The following GATAD2B variants were observed in gnomAD, a reference collection of about 807,000 sequenced individuals.
The protein encoded by GATAD2B is GATA zinc finger domain containing 2B.
A neutral mutation model predicts 64.3 loss-of-function variants in GATAD2B; 8 were observed. The observed-to-expected ratio is 0.12, with a 90% confidence interval of 0.07 to 0.22. The LOEUF (loss-of-function observed/expected upper bound fraction) is 0.22, where lower values mean the gene tolerates loss of function less well. GATAD2B is among the 10% of genes least tolerant of loss of function. The probability of loss-of-function intolerance (pLI) is 1.00; values close to 1 mark genes in which losing one functional copy is unlikely to be tolerated. For missense variants in GATAD2B, 453 were observed against 752.0 expected (o/e 0.60, Z 4.65); for synonymous variants, 281 against 271.3 (o/e 1.04, Z -0.35).
At chr1:153,825,445 C>G (rs1374239312) in intron 2 of GATAD2B, among the ~76,000 whole-genome samples, 1 of 152,046 alleles carries the variant, frequency 6.6e-6, no homozygotes, top group Non-Finnish European at 1.5e-5. Context: ...AAAATGGAGA[C>G]AAGAGTCTCA....
intron 1 of GATAD2B, among the ~76,000 whole-genome samples, chr1:153,892,163 CAAAAA>C (rs900308080): frequency 7.9e-5 from 4 of 50,336 alleles, no homozygotes; most frequent in African/African-American, 3.1e-4. Flanking sequence ...GACTCCGTCT[CAAAAA>C]AAAAAAAAAA....
At chr1:153,833,059 A>C (rs1303126873) in intron 1 of GATAD2B, among the ~76,000 whole-genome samples, 4 of 152,176 alleles carry the variant, frequency 2.6e-5, no homozygotes, top group African/African-American at 9.7e-5. Context: ...TATGTTAAAT[A>C]AACTGGGCAT....
intron 1 of GATAD2B, among the ~76,000 whole-genome samples, chr1:153,903,394 T>C (rs1176032626): frequency 2.0e-5 from 3 of 152,182 alleles, no homozygotes; most frequent in Non-Finnish European, 4.4e-5. Context: ...ACTCATATCA[T>C]TGCTCAGAGC....
chr1:153,910,469 G>C (rs936317611), intron 1 of GATAD2B, among the ~76,000 whole-genome samples: 3 of 152,220 alleles, frequency 2.0e-5, no homozygotes, highest in African/African-American at 7.2e-5. Flanking sequence ...GCTGGGCGCA[G>C]TGGCTCATCC....
chr1:153,907,261 C>T (rs1258537441), intron 1 of GATAD2B, among the ~76,000 whole-genome samples: 5 of 152,214 alleles, frequency 3.3e-5, no homozygotes, highest in African/African-American at 9.6e-5. Flanking sequence ...TCCAGATATC[C>T]ACCAACCGAT....
intron 1 of GATAD2B, among the ~76,000 whole-genome samples, chr1:153,847,642 T>G (rs2101907319): frequency 6.6e-6 from 1 of 152,304 alleles, no homozygotes; most frequent in South Asian, 2.1e-4. Context: ...TTTTTTTTCC[T>G]TGAAGATTCA....
chr1:153,907,105 G>A (rs998974131), intron 1 of GATAD2B, among the ~76,000 whole-genome samples: 3 of 152,104 alleles, frequency 2.0e-5, no homozygotes, highest in South Asian at 2.1e-4. Flanking sequence ...CTCAAAAACC[G>A]AATTATCATG....
rs188084210 is a variant in GATAD2B at position 153,820,837 on chromosome 1, C to G, written c.336-1102G>C. On this transcript the variant is annotated intron_variant, in intron 2 of 10. Transcript: ENST00000368655. ...TAGAGACAGGGTCTTACTATGTTGC[C>G]CAAGCTGGTCTTAAGCGACCCTCCC... Among the ~76,000 whole-genome samples the G allele has an allele frequency of 1.3e-4, 20 of 152,106 alleles. No individual in the cohort carries two copies. In the East Asian group the frequency reaches 3.7e-3, roughly 28 times the overall value.
chr1:153,822,331 GTGCCACTTAACTGCTTAGGAAC>G (rs1470946451), intron 2 of GATAD2B, among the ~76,000 whole-genome samples: 1 of 152,126 alleles, frequency 6.6e-6, no homozygotes, highest in Non-Finnish European at 1.5e-5. Flanking sequence ...GCTCAAATGA[GTGCCACTTAACTGCTTAGGAAC>G]TGCCCAGTAC....
intron 1 of GATAD2B, among the ~76,000 whole-genome samples, chr1:153,845,798 G>C (rs1001552617): frequency 3.9e-5 from 6 of 151,974 alleles, no homozygotes; most frequent in African/African-American, 1.5e-4. Context: ...TACCAGGCAT[G>C]GTGGCATGCG....
chr1:153,822,054 G>A (rs1428669341), intron 2 of GATAD2B, among the ~76,000 whole-genome samples: 3 of 151,790 alleles, frequency 2.0e-5, no homozygotes, highest in East Asian at 3.9e-4. Flanking sequence ...GGTAGTATAC[G>A]CCTGTAATCC....
intron 1 of GATAD2B, among the ~76,000 whole-genome samples, chr1:153,830,227 AC>A (rs1675025561): frequency 6.6e-6 from 1 of 151,166 alleles, no homozygotes; most frequent in African/African-American, 2.4e-5. Context: ...GCTCACTGCA[AC>A]CTCTGCCTCC....
chr1:153,853,981 C>G (rs746186679), intron 1 of GATAD2B, among the ~76,000 whole-genome samples: 2 of 152,162 alleles, frequency 1.3e-5, no homozygotes, highest in Non-Finnish European at 2.9e-5. Context: ...TTTCCTCAAA[C>G]TAGTAGATGG....
intron 1 of GATAD2B, 107 bp from the exon 2 acceptor site, chr1:153,828,455 T>TACACACACAC (rs71093290): frequency 3.5e-4 from 202 of 584,376 alleles, no homozygotes; most frequent in East Asian, 1.7e-3. Flanking sequence ...CTCTCACACA[T>TACACACACAC]ACACACACAC....
intron 1 of GATAD2B, among the ~76,000 whole-genome samples, chr1:153,897,992 G>GAA (rs1364485794): frequency 3.0e-4 from 21 of 70,760 alleles, no homozygotes; most frequent in African/African-American, 1.1e-3. Context: ...AAAACAAACA[G>GAA]AAAAAAAAAA....
intron 1 of GATAD2B, among the ~76,000 whole-genome samples, chr1:153,915,757 A>AG (rs1476356351): frequency 6.6e-5 from 10 of 150,556 alleles, no homozygotes; most frequent in African/African-American, 2.0e-4. Context: ...AAAAAAAAAA[A>AG]AAAAGAAAAG....
In GATAD2B at chr1:153,854,475, C is replaced by G. The variant is rs116652372; in HGVS notation, c.-1-26127G>C. The stretch of plus-strand genomic sequence containing the variant: ...AGACTAGGCAAAGCACCCAGAAATA[C>G]CACAGCATTAAGTAACATGCATACT... On this transcript the variant is annotated intron_variant, in intron 1 of 10. Coordinates refer to ENST00000368655, the MANE Select transcript of GATAD2B (RefSeq NM_020699.4). 7.1e-3 allele frequency among the ~76,000 whole-genome samples: 1,079 copies of G among 152,264 alleles called. 10 individuals carry two copies. The highest frequency in any genetic ancestry group is 0.025 in the African/African-American group (1,042 of 41,540).
intron 2 of GATAD2B, among the ~76,000 whole-genome samples, chr1:153,823,049 T>C (rs1178997257): frequency 6.6e-6 from 1 of 152,168 alleles, no homozygotes; most frequent in Non-Finnish European, 1.5e-5. Flanking sequence ...CCTCCCAAAG[T>C]GCTGAGATTA....
intron 1 of GATAD2B, among the ~76,000 whole-genome samples, chr1:153,839,308 C>G (rs1007022323): frequency 2.0e-5 from 3 of 151,910 alleles, no homozygotes; most frequent in African/African-American, 7.3e-5. Context: ...GGATTTGCAG[C>G]AAAGACTTAA....
Sources: allele counts gnomAD v4.1 joint callset (sites outside exome capture counted in the v4.1 genomes callset), GRCh38; gene constraint gnomAD v4.1.1; transcripts MANE v1.5; gene names NCBI Gene and HGNC (gene_info 2026-07-23, HGNC 2026-07-21).